The following RAB37 variants were observed in gnomAD, a reference collection of about 807,000 sequenced individuals.
The protein encoded by RAB37 is RAB37, member RAS oncogene family.
Under a neutral mutation model 33.1 loss-of-function variants are expected in RAB37, and 29 were observed. The observed-to-expected ratio is 0.88, with a 90% CI of 0.65 to 1.20. RAB37 has a LOEUF of 1.20. RAB37 is among the 50% of genes most tolerant of loss of function. The probability of loss-of-function intolerance (pLI) is 0.00; values close to 1 mark genes in which losing one functional copy is unlikely to be tolerated. For synonymous variants in RAB37, 128 were observed against 119.5 expected (o/e 1.07, Z -0.47); for missense variants, 299 against 301.1 (o/e 0.99, Z 0.05).
In RAB37 at chr17:74,714,396, A is replaced by AACACACACACAC. The variant is rs3046673; in HGVS notation, c.73-14833_73-14822dup. ...CAACAGAGCAGACGCTGTCTCTTTAAACACACACACACACACACACACACA... is the reference window on the plus strand; with the variant it reads ...CAACAGAGCAGACGCTGTCTCTTTAAACACACACACACACACACACACACACACACACACACA... On this transcript the variant is annotated intron_variant, in intron 1 of 7. Transcript: ENST00000340415. Among the ~76,000 whole-genome samples the AACACACACACAC allele has an allele frequency of 7.3e-4, 101 of 137,964 alleles. 1 individual carries two copies. Among genetic ancestry groups the AACACACACACAC allele is most frequent in the East Asian group, 6.2e-3 (29 of 4,704 alleles). The allele number at this position is 137,964 out of a possible 152,430, so 90.5% of individuals were successfully genotyped here. A position where few individuals can be genotyped will look rare whatever the true frequency, so the allele number is the denominator to read the frequency against.
intron 1 of RAB37, among the ~76,000 whole-genome samples, chr17:74,699,183 C>T (rs936423289): frequency 2.0e-5 from 3 of 152,158 alleles, no homozygotes; most frequent in Admixed American, 6.6e-5. Flanking sequence ...TCCCAAAGTG[C>T]TGGGATTACA....
At chr17:74,733,520 T>C (rs2034422672), upstream of RAB37, among the ~76,000 whole-genome samples, 1 of 116,060 alleles carries the variant, frequency 8.6e-6, no homozygotes, top group African/African-American at 3.3e-5. Context: ...TGGTGAGGTG[T>C]GTGGTGTGAT....
At chr17:74,704,762 C>T (rs141171369) in intron 1 of RAB37, 385 of 1,614,122 alleles carry the variant, frequency 2.4e-4, no homozygotes, top group Middle Eastern at 1.2e-3. Flanking sequence ...CAAGGAGCCC[C>T]GCTCCAAGCC....
At chr17:74,737,141 G>T (rs765680883), upstream of RAB37, 1 of 1,588,030 alleles carries the variant, frequency 6.3e-7, no homozygotes, top group South Asian at 1.1e-5. Context: ...TCGTCGAGGG[G>T]GCGACGGGAC....
At chr17:74,677,801 G>A (rs947828250) in intron 1 of RAB37, among the ~76,000 whole-genome samples, 57 of 152,146 alleles carry the variant, frequency 3.7e-4, no homozygotes, top group Non-Finnish European at 1.2e-4. Flanking sequence ...ACCTCAGCAG[G>A]AAATGATGGT....
intron 1 of RAB37, chr17:74,698,282 G>A (rs1261537050): frequency 3.3e-5 from 31 of 930,084 alleles, no homozygotes; most frequent in Non-Finnish European, 5.3e-5. Flanking sequence ...GATTGTGTGG[G>A]TAATCCCTTG....
upstream of RAB37, among the ~76,000 whole-genome samples, chr17:74,735,448 A>T (rs1019648728): frequency 6.6e-6 from 1 of 152,142 alleles, no homozygotes; most frequent in African/African-American, 2.4e-5. Flanking sequence ...AGGCAGGAGA[A>T]TTGCTTGAAC....
At chr17:74,693,800 G>GCATGC (rs2032214985) in intron 1 of RAB37, among the ~76,000 whole-genome samples, 1 of 151,964 alleles carries the variant, frequency 6.6e-6, no homozygotes, top group Admixed American at 6.6e-5. Context: ...ATGGTGGCAG[G>GCATGC]CACCTGTAGT....
intron 1 of RAB37, among the ~76,000 whole-genome samples, chr17:74,693,371 A>T (rs1419295814): frequency 6.6e-6 from 1 of 152,238 alleles, no homozygotes; most frequent in Non-Finnish European, 1.5e-5. Flanking sequence ...CCAGCAGCCC[A>T]TGGATCCCCT....
intron 1 of RAB37, among the ~76,000 whole-genome samples, chr17:74,691,929 G>A (rs889243034): frequency 4.7e-5 from 7 of 150,038 alleles, no homozygotes; most frequent in African/African-American, 1.5e-4. Context: ...GCAGTGGCGC[G>A]ATCTCAGCTC....
chr17:74,681,463 G>A (rs145245889), intron 1 of RAB37, among the ~76,000 whole-genome samples: 1 of 152,314 alleles, frequency 6.6e-6, no homozygotes, highest in Admixed American at 6.5e-5. Flanking sequence ...GTCCAATTGT[G>A]GCAGAGTCCA....
At chr17:74,712,037 A>T (rs2034004087) in intron 1 of RAB37, among the ~76,000 whole-genome samples, 4 of 148,640 alleles carry the variant, frequency 2.7e-5, no homozygotes, top group Admixed American at 1.3e-4. Flanking sequence ...CCAGCCTCCC[A>T]AGTAGCTGGG....
At chr17:74,725,132 A>C (rs1281929571) in intron 1 of RAB37, among the ~76,000 whole-genome samples, 2 of 152,222 alleles carry the variant, frequency 1.3e-5, no homozygotes, top group Admixed American at 6.5e-5. Context: ...GTTAGCATGT[A>C]GGATTCTCAG....
At chr17:74,687,377 CCA>C (rs2143493510) in intron 1 of RAB37, among the ~76,000 whole-genome samples, 1 of 152,206 alleles carries the variant, frequency 6.6e-6, no homozygotes, top group Admixed American at 6.5e-5. Context: ...GGGCCCGCCA[CCA>C]CACCCAGCTA....
intron 1 of RAB37, chr17:74,712,884 C>T: frequency 1.9e-6 from 3 of 1,613,660 alleles, no homozygotes; most frequent in East Asian, 2.2e-5. Context: ...TCAGACAGGT[C>T]CCCGTTCCCC....
At chr17:74,724,016 G>A (rs192720366) in intron 1 of RAB37, among the ~76,000 whole-genome samples, 298 of 152,310 alleles carry the variant, frequency 2.0e-3, no homozygotes, top group Non-Finnish European at 2.7e-3. Flanking sequence ...AGCAGCTGTT[G>A]GGTGGCGAGA....
rs1005733839 is a variant in RAB37 at position 74,715,076 on chromosome 17, C to T, written c.73-14180C>T. On this transcript the variant is annotated intron_variant, in intron 1 of 7. Transcript: ENST00000340415. ...GGTGGAGATTGCAGTGAGCTGAGAT[C>T]GCACCATTGCACTACAGCCTGGGCA... Among the ~76,000 whole-genome samples, 16 of 152,262 alleles carry T rather than the reference C, an allele frequency of 1.1e-4. 1 individual carries two copies. In the East Asian group the frequency reaches 3.1e-3, roughly 29 times the overall value.
chr17:74,735,031 A>C (rs2034451219), upstream of RAB37, among the ~76,000 whole-genome samples: 1 of 130,280 alleles, frequency 7.7e-6, no homozygotes, highest in Non-Finnish European at 1.8e-5. Context: ...GAAAGAAAGA[A>C]AGAAAGAAAG....
intron 1 of RAB37, among the ~76,000 whole-genome samples, chr17:74,692,277 G>A (rs1033911216): frequency 1.2e-4 from 18 of 152,166 alleles, no homozygotes; most frequent in South Asian, 4.1e-4. Context: ...ATTTAAAACA[G>A]TCTGTGTCAA....
Sources: allele counts gnomAD v4.1 joint callset (sites outside exome capture counted in the v4.1 genomes callset), GRCh38; gene constraint gnomAD v4.1.1; transcripts MANE v1.5; gene names NCBI Gene and HGNC (gene_info 2026-07-23, HGNC 2026-07-21).